The following BAHCC1 variants were observed in gnomAD, a reference collection of about 807,000 sequenced individuals.
BAHCC1 encodes BAH domain and coiled-coil containing 1.
In BAHCC1, 43 loss-of-function variants were observed where a neutral mutation model predicts 88.2. The observed-to-expected ratio is 0.49, with a 90% CI of 0.38 to 0.63. The LOEUF is 0.63. Among genes scored for constraint, BAHCC1 ranks in the 20% least tolerant of loss-of-function variants. BAHCC1 has a pLI of 0.00. For synonymous variants in BAHCC1, 1,510 were observed against 745.5 expected (o/e 2.03, Z -16.71); for missense variants, 3,023 against 1,654.8 (o/e 1.83, Z -14.34).
At chr17:81,443,666 G>A (rs1437282342) in intron 5 of BAHCC1, 102 bp downstream of exon 5, 15 of 633,234 alleles carry the variant, frequency 2.4e-5, no homozygotes, top group African/African-American at 5.4e-5. Context: ...CCTGCCCTTG[G>A]CAGACCCTCC....
intron 10 of BAHCC1, 84 bp downstream of exon 10, chr17:81,445,765 G>C (rs1217187115): frequency 4.5e-6 from 3 of 661,160 alleles, no homozygotes; most frequent in Non-Finnish European, 2.8e-6. Flanking sequence ...CTGAATCCGG[G>C]CTGCCTGCAG....
At chr17:81,422,772 T>C in intron 2 of BAHCC1, 1 of 441,858 alleles carries the variant, frequency 2.3e-6, no homozygotes, top group South Asian at 1.6e-5. Context: ...GACCCAACTT[T>C]TGGACTTAGT....
At chr17:81,455,088 AGAG>A (rs782473163) in intron 14 of BAHCC1, among the ~76,000 whole-genome samples, 176 bp from the exon 15 acceptor site, 1 of 150,752 alleles carries the variant, frequency 6.6e-6, no homozygotes. Context: ...GCAGGTGCTC[AGAG>A]GAGGTCAGAG....
rs370121264 is a variant in BAHCC1, at chr17:81,459,474, G to A, written c.5797-22G>A. 29 of 778,376 alleles carry A rather than the reference G, an allele frequency of 3.7e-5. No individual in the cohort carries two copies. The African/African-American group carries it at 4.1e-4, about 11-fold the overall frequency. The allele number at this position is 778,376 out of a possible 1,614,324, so 48.2% of individuals were successfully genotyped here. Reference sequence around the variant, plus strand: ...TGGGCCAGGCCCCACCTGCTCATGGGTCGTCGCCCGCGTTCCTGCAGGTTC... The same window carrying A: ...TGGGCCAGGCCCCACCTGCTCATGGATCGTCGCCCGCGTTCCTGCAGGTTC... On this transcript the variant is annotated intron_variant, in intron 22 of 27. Transcript: ENST00000675386.
At position 81,395,462 on chromosome 17, in the gene BAHCC1, A is replaced by C. The variant is rs979036346; in HGVS notation, c.-380A>C. 4 of 152,248 alleles carry C rather than the reference A, an allele frequency of 2.6e-5. No homozygotes were observed. Among genetic ancestry groups the C allele is most frequent in the Non-Finnish European group, 4.4e-5 (3 of 68,048 alleles). 9.4% of individuals were successfully genotyped at this position (152,248 alleles called of 1,614,324 possible). ...TGCAGGGCCCGTGGCTCGCCGCGCCAGGCTGCAGGTTTGAGAGCCGCTCTG... is the reference window on the plus strand; with the variant it reads ...TGCAGGGCCCGTGGCTCGCCGCGCCCGGCTGCAGGTTTGAGAGCCGCTCTG... On this transcript the variant is annotated 5_prime_UTR_variant, in exon 1 of 28. Coordinates refer to ENST00000675386, the MANE Select transcript of BAHCC1 (RefSeq NM_001377448.1).
chr17:81,410,224 T>C (rs1555647624), intron 2 of BAHCC1: 2 of 168,168 alleles, frequency 1.2e-5, no homozygotes, highest in Non-Finnish European at 2.6e-5. Context: ...GCCCCTTCCC[T>C]GGCGGAGACT....
At position 81,442,115 on chromosome 17, in the gene BAHCC1, G is replaced by A. The variant is rs375318122; in HGVS notation, c.766G>A (p.Val256Met). 49 of 688,562 alleles carry A rather than the reference G, an allele frequency of 7.1e-5. No homozygotes were observed. Among genetic ancestry groups the A allele is most frequent in the Middle Eastern group, 2.5e-4 (1 of 3,992 alleles). The allele number at this position is 688,562 out of a possible 1,614,324, so 42.7% of individuals were successfully genotyped here. The change falls in exon 5 of 28, where the codon GTG (valine) becomes ATG (methionine). Residue 256 changes from valine to methionine, a missense_variant. Transcript: ENST00000675386. ...GKERHKLVLPVPADGHCREGG... is the reference protein window; with the variant it reads ...GKERHKLVLPMPADGHCREGG... ...GGAGCGGCACAAGCTGGTGCTGCCCGTGCCAGCCGACGGGCACTGCAGGGA... is the reference window on the plus strand; with the variant it reads ...GGAGCGGCACAAGCTGGTGCTGCCCATGCCAGCCGACGGGCACTGCAGGGA...
rs1386706053 is a variant in BAHCC1 at position 81,462,790 on chromosome 17, G to A, written c.7434G>A (p.Val2478=). 1.0e-5 allele frequency: 8 copies of A among 779,418 alleles called. No individual in the cohort carries two copies. Among genetic ancestry groups the A allele is most frequent in the Non-Finnish European group, 1.4e-5 (6 of 417,452 alleles). 48.3% of individuals were successfully genotyped at this position (779,418 alleles called of 1,614,324 possible). ...KARKLFYKAI[V]RGEETLRVGD... ...GGAAGCTGTTCTACAAGGCCATCGTGCGGGGCGAGGAGACCCTGCGTGTCG... is the reference window on the plus strand; with the variant it reads ...GGAAGCTGTTCTACAAGGCCATCGTACGGGGCGAGGAGACCCTGCGTGTCG... The change falls in exon 27 of 28, where the codon GTG becomes GTA. Residue 2478 remains valine, a synonymous_variant. Coordinates refer to ENST00000675386, the MANE Select transcript of BAHCC1 (RefSeq NM_001377448.1).
At chr17:81,403,029 C>G (rs1423125405) in intron 2 of BAHCC1, 1 of 152,208 alleles carries the variant, frequency 6.6e-6, no homozygotes, top group African/African-American at 2.4e-5. Flanking sequence ...GGTCCGGAGG[C>G]AAAGCTGTGA....
intron 16 of BAHCC1, 109 bp from the exon 17 acceptor site, chr17:81,457,301 G>A: frequency 1.5e-6 from 1 of 654,346 alleles, no homozygotes; most frequent in Non-Finnish European, 2.8e-6. Context: ...ACGGTGACCA[G>A]CTCCACTCAC....
At chr17:81,431,665 C>T (rs1244287357) in intron 3 of BAHCC1, among the ~76,000 whole-genome samples, 37 of 152,188 alleles carry the variant, frequency 2.4e-4, no homozygotes, top group Admixed American at 2.4e-3. Flanking sequence ...TGAGCCTGGC[C>T]CTGGGATGGC....
intron 4 of BAHCC1, among the ~76,000 whole-genome samples, chr17:81,439,468 G>T (rs1283570666): frequency 6.6e-6 from 1 of 152,050 alleles, no homozygotes; most frequent in African/African-American, 2.4e-5. Flanking sequence ...GCAGTTGGAC[G>T]GTGGGGTGAG....
intron 2 of BAHCC1, chr17:81,407,222 T>C (rs1555647054): frequency 2.3e-6 from 1 of 430,778 alleles, no homozygotes; most frequent in African/African-American, 2.0e-5. Flanking sequence ...ATGGGTGTGC[T>C]TCCAATAGGG....
Position 81,444,844 on chromosome 17 carries a change from A to C in BAHCC1, c.2671+18A>C. The C allele has an allele frequency of 1.3e-6, 1 of 767,992 alleles. No homozygotes were observed. 47.6% of individuals were successfully genotyped at this position (767,992 alleles called of 1,614,324 possible). ...CGCACTTGGTAAGGGCCCCTGGTCCAGGCTGCTGTACTTGGGGGGTGCTGT... is the reference window on the plus strand; with the variant it reads ...CGCACTTGGTAAGGGCCCCTGGTCCCGGCTGCTGTACTTGGGGGGTGCTGT... On this transcript the variant is annotated intron_variant, in intron 8 of 27. Transcript: ENST00000675386.
rs565746607 is a variant in BAHCC1 at position 81,461,455 on chromosome 17, G to A, written c.6792G>A (p.Pro2264=). The change falls in exon 26 of 28, where the codon CCG becomes CCA. Residue 2264 remains proline, a synonymous_variant. Coordinates refer to ENST00000675386, the MANE Select transcript of BAHCC1 (RefSeq NM_001377448.1). ...KDKKGRAPIP[P]LPMGLALRKY... is the part of the protein sequence containing the mutation. ...AGAAGGGGCGGGCACCCATCCCCCCGCTGCCCATGGGGCTGGCGCTGCGCA... is the reference window on the plus strand; with the variant it reads ...AGAAGGGGCGGGCACCCATCCCCCCACTGCCCATGGGGCTGGCGCTGCGCA... 142 of 740,078 alleles carry A rather than the reference G, an allele frequency of 1.9e-4. 1 individual carries two copies. The highest frequency in any genetic ancestry group is 1.8e-3 in the South Asian group (126 of 70,252). 45.8% of individuals were successfully genotyped at this position (740,078 alleles called of 1,614,324 possible). A position where few individuals can be genotyped will look rare whatever the true frequency, so the allele number is the denominator to read the frequency against.
rs1469713800 is a variant in BAHCC1, at chr17:81,458,389, G to A, written c.5266G>A (p.Glu1756Lys). ...FNPSRAFACR[E>K]EGSQLASERL... ...CCCCTCTCGGGCCTTCGCCTGCCGT[G>A]AGGAGGGCAGCCAGCTGGCCAGTGA... The change falls in exon 18 of 28, where the codon GAG becomes AAG. Residue 1756 changes from glutamate (E) to lysine (K), a missense_variant. Glu to Lys is a moderately conservative substitution (Grantham distance 56). Coordinates refer to ENST00000675386, the MANE Select transcript of BAHCC1 (RefSeq NM_001377448.1). 1.3e-6 allele frequency: 1 copy of A among 741,358 alleles called. No homozygotes were observed. The highest frequency in any genetic ancestry group is 2.5e-6 in the Non-Finnish European group (1 of 402,014). The allele number at this position is 741,358 out of a possible 1,614,324, so 45.9% of individuals were successfully genotyped here. A position where few individuals can be genotyped will look rare whatever the true frequency, so the allele number is the denominator to read the frequency against.
Position 81,434,907 on chromosome 17 carries a change from G to A in BAHCC1, c.359-3463G>A, listed in dbSNP as rs1257829957. Among the ~76,000 whole-genome samples, 7 of 152,032 alleles carry A rather than the reference G, an allele frequency of 4.6e-5. No individual in the cohort carries two copies. Among genetic ancestry groups the A allele is most frequent in the African/African-American group, 1.4e-4 (6 of 41,386 alleles). Reference sequence around the variant, plus strand: ...TGAGGTACCTGGAGTGGGGGTGCCCGTCAGGCAGCCAGGGCTGGTGCACCC... The same window carrying A: ...TGAGGTACCTGGAGTGGGGGTGCCCATCAGGCAGCCAGGGCTGGTGCACCC... On this transcript the variant is annotated intron_variant, in intron 3 of 27. Transcript: ENST00000675386. The surrounding 1 kb of genome is among the most constrained non-coding windows in gnomAD (Gnocchi z 4.9).
Position 81,427,115 on chromosome 17 carries a change from G to A in BAHCC1, c.358+136G>A, listed in dbSNP as rs976702107. On this transcript the variant is annotated intron_variant, in intron 3 of 27. Coordinates refer to ENST00000675386, the MANE Select transcript of BAHCC1 (RefSeq NM_001377448.1). ...CGGTGGACGGTGACAAGCAGGCTCG[G>A]GTGAGGCTGCCTCCCTGCCGAGGAA... 3.3e-3 allele frequency: 1,323 copies of A among 398,182 alleles called. 14 individuals carry two copies. Among genetic ancestry groups the A allele is most frequent in the African/African-American group, 0.025 (1,216 of 48,730 alleles). The allele number at this position is 398,182 out of a possible 1,614,324, so 24.7% of individuals were successfully genotyped here.
At chr17:81,448,494 C>T (rs868909370) in intron 11 of BAHCC1, among the ~76,000 whole-genome samples, 9 of 152,200 alleles carry the variant, frequency 5.9e-5, no homozygotes, top group South Asian at 4.1e-4. Flanking sequence ...CCAGTGCTCC[C>T]GGGAAAGCGC....
Sources: gnomAD v4.1 joint callset for allele counts (sites outside exome capture counted in the v4.1 genomes callset) on GRCh38, gnomAD v4.1.1 for gene constraint, Gnocchi (gnomAD v3.1) non-coding constraint, MANE v1.5 for transcripts, NCBI Gene and HGNC (gene_info 2026-07-23, HGNC 2026-07-21) for gene names.